RAP1GAP2: variants seen among roughly 807,000 people sequenced by gnomAD.
RAP1GAP2 encodes the protein rap1 GTPase-activating protein 2.
In RAP1GAP2, 27 loss-of-function variants were observed where a neutral mutation model predicts 95.0. The ratio of observed to expected loss-of-function variants is 0.28; its 90% CI spans 0.21 to 0.39. The LOEUF is 0.39. Ranked by LOEUF, RAP1GAP2 falls within the 10% of genes least tolerant of loss-of-function variation. The pLI is 1.00. For synonymous variants in RAP1GAP2, 373 were observed against 380.9 expected (o/e 0.98, Z 0.24); for missense variants, 771 against 970.0 (o/e 0.79, Z 2.72).
At chr17:2,832,570 A>AG (rs1332965199) in intron 2 of RAP1GAP2, among the ~76,000 whole-genome samples, 2 of 150,982 alleles carry the variant, frequency 1.3e-5, no homozygotes, top group African/African-American at 4.9e-5. Flanking sequence ...AAAAAAAAAA[A>AG]AAAAAAAGAT....
intron 3 of RAP1GAP2, among the ~76,000 whole-genome samples, chr17:2,928,976 G>A (rs1400109318): frequency 2.0e-5 from 3 of 152,128 alleles, no homozygotes; most frequent in African/African-American, 7.2e-5. Flanking sequence ...GCTCACACCT[G>A]TAATCCCAGC....
intron 2 of RAP1GAP2, among the ~76,000 whole-genome samples, chr17:2,842,325 T>G (rs1259950235): frequency 6.6e-6 from 1 of 151,576 alleles, no homozygotes; most frequent in African/African-American, 2.4e-5. Context: ...AGGTCAGGAG[T>G]TCGAGACCAG....
Position 2,830,453 on chromosome 17 carries a change from C to T in RAP1GAP2, c.80+29903C>T, listed in dbSNP as rs564502837. 3.5e-4 allele frequency among the ~76,000 whole-genome samples: 52 copies of T among 149,734 alleles called. 1 individual carries two copies. The highest frequency in any genetic ancestry group is 6.5e-4 in the Non-Finnish European group (44 of 67,556). ...AAAGATGGCCGGGTGTGGTGGCTCA[C>T]GCCTGTAATCCCAGCACTTTGGGAG... On this transcript the variant is annotated intron_variant, in intron 2 of 24. Coordinates refer to ENST00000254695, the MANE Select transcript of RAP1GAP2 (RefSeq NM_015085.5).
chr17:2,759,167 C>A (rs750704920), intron 1 of RAP1GAP2, among the ~76,000 whole-genome samples: 2 of 152,164 alleles, frequency 1.3e-5, no homozygotes, highest in African/African-American at 4.8e-5. Context: ...TACCTAACCT[C>A]TACTGACAAT....
intron 3 of RAP1GAP2, among the ~76,000 whole-genome samples, chr17:2,946,029 G>T (rs941929278): frequency 5.9e-5 from 9 of 152,124 alleles, no homozygotes; most frequent in African/African-American, 9.7e-5. Flanking sequence ...GACCTCAGGT[G>T]ATCCTCCTGC....
upstream of RAP1GAP2, among the ~76,000 whole-genome samples, chr17:2,774,988 ATT>A (rs57384328): frequency 4.0e-3 from 579 of 146,404 alleles, 6 homozygotes; most frequent in African/African-American, 0.012. Flanking sequence ...GCCCTGCTAA[ATT>A]TTTTTTTTTT....
chr17:3,021,421 G>A (rs563899282), intron 19 of RAP1GAP2, among the ~76,000 whole-genome samples: 10 of 139,664 alleles, frequency 7.2e-5, no homozygotes, highest in African/African-American at 2.4e-4. Context: ...GAGAACATGC[G>A]ATATTTGTCT....
At chr17:2,826,954 C>T (rs2070594289) in intron 2 of RAP1GAP2, among the ~76,000 whole-genome samples, 1 of 152,110 alleles carries the variant, frequency 6.6e-6, no homozygotes, top group East Asian at 1.9e-4. Flanking sequence ...TGCAGTGAGC[C>T]GAGATGACAC....
At position 2,827,303 on chromosome 17, in the gene RAP1GAP2, A is replaced by C. The variant is rs1225392573; in HGVS notation, c.80+26753A>C. On this transcript the variant is annotated intron_variant, in intron 2 of 24. Transcript: ENST00000254695. This position sits in a 1 kb window ranked among gnomAD's most constrained non-coding sequence, Gnocchi z 4.1. ...ATTCCCAAAGCGTGTTCTGAGTGTG[A>C]GTCCTACAAAAGTGGACAATTCAGA... Among the ~76,000 whole-genome samples the C allele has an allele frequency of 6.6e-6, 1 of 152,208 alleles. No individual in the cohort carries two copies. Among genetic ancestry groups the C allele is most frequent in the African/African-American group, 2.4e-5 (1 of 41,452 alleles).
rs1475212509 is a variant in RAP1GAP2, at chr17:2,797,524, G to A, written c.44+953G>A. The stretch of plus-strand genomic sequence containing the variant: ...GGGGGGTGTCCCGGTGTGGAAAATG[G>A]TGGACTAATGGGGGTGGCACGAAGG... On this transcript the variant is annotated intron_variant, in intron 1 of 24. Coordinates refer to ENST00000254695, the MANE Select transcript of RAP1GAP2 (RefSeq NM_015085.5). The surrounding 1 kb of genome is among the most constrained non-coding windows in gnomAD (Gnocchi z 5.6). Among the ~76,000 whole-genome samples, 3 of 152,062 alleles carry A rather than the reference G, an allele frequency of 2.0e-5. No individual in the cohort carries two copies. In the East Asian group the frequency reaches 5.8e-4, roughly 30 times the overall value.
Position 3,005,330 on chromosome 17 carries a change from C to G in RAP1GAP2, c.1201-39C>G. 6.3e-7 allele frequency: 1 copy of G among 1,592,010 alleles called. No homozygotes were observed. Among genetic ancestry groups the G allele is most frequent in the East Asian group, 2.2e-5 (1 of 44,754 alleles). On this transcript the variant is annotated intron_variant, in intron 14 of 24. Coordinates refer to ENST00000254695, the MANE Select transcript of RAP1GAP2 (RefSeq NM_015085.5). This position sits in a 1 kb window ranked among gnomAD's most constrained non-coding sequence, Gnocchi z 5.2. ...GCTCCCGTAGGGGCAGCGCTCGTCT[C>G]TTCCCTCCAGGTCCGTACCATGACT... is the stretch of plus-strand genomic sequence containing the variant.
intron 2 of RAP1GAP2, among the ~76,000 whole-genome samples, chr17:2,809,443 G>A (rs564620898): frequency 8.5e-5 from 13 of 152,268 alleles, no homozygotes; most frequent in South Asian, 2.1e-4. Context: ...CAAGGACGCC[G>A]GAGAGGAAAA....
chr17:3,011,828 G>T (rs2046559073), intron 17 of RAP1GAP2, among the ~76,000 whole-genome samples: 1 of 151,970 alleles, frequency 6.6e-6, no homozygotes, highest in South Asian at 2.1e-4. Context: ...TGGTCAGGCT[G>T]ATCTTGAACT....
upstream of RAP1GAP2, among the ~76,000 whole-genome samples, chr17:2,791,907 T>C (rs1399580028): frequency 6.7e-5 from 10 of 149,500 alleles, no homozygotes. Flanking sequence ...TCACCCAGGC[T>C]GGAGTGCAAT....
intron 2 of RAP1GAP2, among the ~76,000 whole-genome samples, chr17:2,804,273 C>T (rs1471244044): frequency 2.6e-5 from 4 of 152,194 alleles, no homozygotes; most frequent in Non-Finnish European, 5.9e-5. Context: ...GGGGTCTGGC[C>T]TCACCGTTAT....
intron 4 of RAP1GAP2, among the ~76,000 whole-genome samples, chr17:2,960,610 C>T (rs2044282746): frequency 6.6e-6 from 1 of 152,232 alleles, no homozygotes; most frequent in Admixed American, 6.5e-5. Flanking sequence ...AAATCTAGGC[C>T]CTGCCACTCA....
At chr17:2,853,812 T>G (rs1597443712) in intron 2 of RAP1GAP2, 1 of 568,830 alleles carries the variant, frequency 1.8e-6, no homozygotes, top group African/African-American at 2.1e-5. Flanking sequence ...ACGCTGAAGG[T>G]CGCCGGGAGG....
chr17:2,930,239 G>A (rs541450703), intron 3 of RAP1GAP2, among the ~76,000 whole-genome samples: 2 of 152,332 alleles, frequency 1.3e-5, no homozygotes, highest in East Asian at 3.9e-4. Flanking sequence ...GGCTCACCAG[G>A]CCCCCTTGTG....
intron 3 of RAP1GAP2, among the ~76,000 whole-genome samples, chr17:2,920,218 G>A (rs547429537): frequency 6.6e-6 from 1 of 152,280 alleles, no homozygotes; most frequent in South Asian, 2.1e-4. Flanking sequence ...GTCTCCCTGT[G>A]TTCCTAGGCT....
Sources: gnomAD v4.1 joint callset for allele counts (sites outside exome capture counted in the v4.1 genomes callset) on GRCh38, gnomAD v4.1.1 for gene constraint, Gnocchi (gnomAD v3.1) non-coding constraint, MANE v1.5 for transcripts, NCBI Gene and HGNC (gene_info 2026-07-23, HGNC 2026-07-21) for gene names.